PYM1: variants seen among roughly 807,000 people sequenced by gnomAD.
PYM1 encodes the protein PYM1 exon junction complex associated factor, also known as partner of Y14 and mago.
A neutral mutation model predicts 20.7 loss-of-function variants in PYM1; 7 were observed. The observed-to-expected ratio is 0.34, with a 90% CI of 0.19 to 0.64. The LOEUF (loss-of-function observed/expected upper bound fraction) is 0.64, where lower values mean the gene tolerates loss of function less well. Among genes scored for constraint, PYM1 ranks in the 30% least tolerant of loss-of-function variants. The pLI is 0.74. For missense variants in PYM1, 194 were observed against 250.0 expected, an observed-to-expected ratio of 0.78 and a Z score of 1.51; for synonymous variants, 100 against 99.2, an observed-to-expected ratio of 1.01 and a Z score of -0.05.
chr12:55,927,135 G>A (rs1194886946), intron 1 of PYM1: 4 of 1,551,374 alleles, frequency 2.6e-6, no homozygotes, highest in Non-Finnish European at 8.7e-7. Flanking sequence ...CACTTCCGGC[G>A]TGAGCGGGCT....
At chr12:55,922,768 T>C (rs1280233582) in intron 1 of PYM1, among the ~76,000 whole-genome samples, 1 of 151,986 alleles carries the variant, frequency 6.6e-6, no homozygotes, top group Non-Finnish European at 1.5e-5. Flanking sequence ...CAAATTCCAA[T>C]AGAAGGATAT....
At chr12:55,912,511 G>T (rs1033624153) in intron 1 of PYM1, among the ~76,000 whole-genome samples, 7 of 152,118 alleles carry the variant, frequency 4.6e-5, no homozygotes, top group African/African-American at 1.7e-4. Context: ...TTGAACTTGG[G>T]AGGCAGAGGC....
chr12:55,907,095 A>G (rs1311142289), intron 1 of PYM1, among the ~76,000 whole-genome samples: 1 of 42,318 alleles, frequency 2.4e-5, no homozygotes, highest in East Asian at 5.8e-4. Context: ...AGAGAAAGTT[A>G]ACATATATAT....
chr12:55,919,086 A>G (rs146509798), intron 1 of PYM1, among the ~76,000 whole-genome samples: 1 of 152,316 alleles, frequency 6.6e-6, no homozygotes, highest in Non-Finnish European at 1.5e-5. Context: ...ATTCAGGTAC[A>G]TATGCAAGAT....
intron 1 of PYM1, among the ~76,000 whole-genome samples, chr12:55,904,986 AATATTTATTT>A (rs1882767142): frequency 6.6e-6 from 1 of 151,724 alleles, no homozygotes; most frequent in African/African-American, 2.4e-5. Flanking sequence ...ATCATTATAC[AATATTTATTT>A]ATATTTATTT....
Position 55,927,887 on chromosome 12 carries a change from C to T in PYM1, c.-126G>A, listed in dbSNP as rs1046664174. 8.0e-6 allele frequency: 10 copies of T among 1,251,874 alleles called. No homozygotes were observed. The highest frequency in any genetic ancestry group is 2.5e-5 in the Admixed American group (1 of 39,226). The allele number at this position is 1,251,874 out of a possible 1,614,324, so 77.5% of individuals were successfully genotyped here. A position where few individuals can be genotyped will look rare whatever the true frequency, so the allele number is the denominator to read the frequency against. On this transcript the variant is annotated 5_prime_UTR_variant, in exon 1 of 3. Transcript: ENST00000408946. ...GTTGCTTCTCGCCCAGACCTCCTAA[C>T]CCTGAGTGCCTCCTCGGGCTGGGCC...
intron 1 of PYM1, among the ~76,000 whole-genome samples, chr12:55,926,328 T>A (rs996634092): frequency 6.6e-6 from 1 of 152,228 alleles, no homozygotes; most frequent in Non-Finnish European, 1.5e-5. Context: ...CAGCAGACAC[T>A]TCAGCATCTC....
chr12:55,921,117 GAAC>G (rs1396128339), intron 1 of PYM1, among the ~76,000 whole-genome samples: 1 of 152,144 alleles, frequency 6.6e-6, no homozygotes, highest in Non-Finnish European at 1.5e-5. Flanking sequence ...AATATTTGCA[GAAC>G]AACAGAAACT....
At chr12:55,919,207 G>C (rs1883057711) in intron 1 of PYM1, among the ~76,000 whole-genome samples, 1 of 152,170 alleles carries the variant, frequency 6.6e-6, no homozygotes. Context: ...GAGTGCAATA[G>C]CTGGACCTTG....
chr12:55,908,415 T>A (rs1882863061), intron 1 of PYM1, among the ~76,000 whole-genome samples: 1 of 131,468 alleles, frequency 7.6e-6, no homozygotes, highest in Admixed American at 7.8e-5. Context: ...GGCAACAGAG[T>A]GAAAATCTTT....
In PYM1 at chr12:55,903,486, A is replaced by G. The variant is rs1456654539; in HGVS notation, c.38-6T>C. On this transcript the variant is annotated splice_region_variant and splice_polypyrimidine_tract_variant and intron_variant, in intron 1 of 2. Coordinates refer to ENST00000408946, the MANE Select transcript of PYM1 (RefSeq NM_032345.3). ...TGTTGACGCGATATACTTGCCTAAA[A>G]TAAGAAAAATCAAGTTGAAAATTAC... 2 of 1,612,820 alleles carry G rather than the reference A, an allele frequency of 1.2e-6. No individual in the cohort carries two copies. The highest frequency in any genetic ancestry group is 2.2e-5 in the East Asian group (1 of 44,882).
intron 1 of PYM1, among the ~76,000 whole-genome samples, chr12:55,916,334 C>CAAA (rs11320012): frequency 7.6e-6 from 1 of 132,268 alleles, no homozygotes; most frequent in African/African-American, 2.8e-5. Context: ...GACTCCAGCT[C>CAAA]AAAAAAAAAA....
chr12:55,920,777 G>C (rs1419178827), intron 1 of PYM1, among the ~76,000 whole-genome samples: 5 of 151,600 alleles, frequency 3.3e-5, no homozygotes, highest in Non-Finnish European at 7.3e-5. Flanking sequence ...AAGTAAGATA[G>C]GGTGCATGCC....
At chr12:55,927,585 A>C in intron 1 of PYM1, 140 bp downstream of exon 1, 1 of 1,115,000 alleles carries the variant, frequency 9.0e-7, no homozygotes. Flanking sequence ...AAGTGTTTCT[A>C]GGGACGGTTG....
At chr12:55,909,855 A>G (rs1437793174) in intron 1 of PYM1, among the ~76,000 whole-genome samples, 2 of 152,184 alleles carry the variant, frequency 1.3e-5, no homozygotes, top group Admixed American at 6.6e-5. Flanking sequence ...AAAAAATAAA[A>G]ACAAAAAAGA....
chr12:55,923,930 G>C (rs1386923110), intron 1 of PYM1, among the ~76,000 whole-genome samples: 4 of 152,034 alleles, frequency 2.6e-5, no homozygotes, highest in African/African-American at 9.7e-5. Context: ...ACAAAAATTA[G>C]CCAAGCGTGG....
intron 1 of PYM1, among the ~76,000 whole-genome samples, chr12:55,924,776 A>G (rs1883160744): frequency 6.6e-6 from 1 of 152,214 alleles, no homozygotes; most frequent in African/African-American, 2.4e-5. Context: ...TCCTGGGTTC[A>G]AGCGATTCTC....
chr12:55,912,547 G>A (rs945833964), intron 1 of PYM1, among the ~76,000 whole-genome samples: 17 of 151,772 alleles, frequency 1.1e-4, no homozygotes, highest in African/African-American at 3.6e-4. Context: ...TCGTGCCATC[G>A]CACTCCAGCC....
At chr12:55,916,201 G>T (rs1410902983) in intron 1 of PYM1, among the ~76,000 whole-genome samples, 1 of 152,082 alleles carries the variant, frequency 6.6e-6, no homozygotes, top group Non-Finnish European at 1.5e-5. Flanking sequence ...CAGACGTGCT[G>T]GCACATGCTT....
Sources: gnomAD v4.1 joint callset for allele counts (sites outside exome capture counted in the v4.1 genomes callset) on GRCh38, gnomAD v4.1.1 for gene constraint, MANE v1.5 for transcripts, NCBI Gene and HGNC (gene_info 2026-07-23, HGNC 2026-07-21) for gene names.